RBM47: variants seen among roughly 807,000 people sequenced by gnomAD.
The protein encoded by RBM47 is RNA binding motif protein 47.
RBM47 carries 21 observed loss-of-function variants against 47.1 expected under a neutral mutation model. The observed-to-expected ratio is 0.45, with a 90% CI of 0.32 to 0.64. The LOEUF is 0.64. Among genes scored for constraint, RBM47 ranks in the 30% least tolerant of loss-of-function variants. The probability of loss-of-function intolerance (pLI) is 0.05; values close to 1 mark genes in which losing one functional copy is unlikely to be tolerated. For missense variants in RBM47, 708 were observed against 870.9 expected, an observed-to-expected ratio of 0.81 and a Z score of 2.35; for synonymous variants, 375 against 361.7, an observed-to-expected ratio of 1.04 and a Z score of -0.42.
intron 2 of RBM47, among the ~76,000 whole-genome samples, chr4:40,530,827 C>G (rs867830566): frequency 6.6e-6 from 1 of 152,112 alleles, no homozygotes; most frequent in Admixed American, 6.6e-5. Context: ...AGGCGAGGCA[C>G]GGTGGCTCAC....
intron 3 of RBM47, among the ~76,000 whole-genome samples, chr4:40,455,900 C>T (rs981223970): frequency 6.6e-6 from 1 of 152,176 alleles, no homozygotes; most frequent in Non-Finnish European, 1.5e-5. Flanking sequence ...AGTTTAGAGT[C>T]GTTAATTATC....
chr4:40,565,214 C>T lies in RBM47; in HGVS notation c.-239-20708G>A, dbSNP rs115990925. ...CATTAATGAGCTGTGAAGTTATTTTCTCATTCATTCTGAACTCCCCCAGTG... is the reference window on the plus strand; with the variant it reads ...CATTAATGAGCTGTGAAGTTATTTTTTCATTCATTCTGAACTCCCCCAGTG... On this transcript the variant is annotated intron_variant, in intron 1 of 6. Coordinates refer to ENST00000295971, the MANE Select transcript of RBM47 (RefSeq NM_001098634.2). 8.6e-3 allele frequency among the ~76,000 whole-genome samples: 1,311 copies of T among 152,288 alleles called. 12 individuals are homozygous for T. The highest frequency in any genetic ancestry group is 0.03 in the African/African-American group (1,242 of 41,562).
intron 2 of RBM47, among the ~76,000 whole-genome samples, chr4:40,506,000 T>C (rs1333425960): frequency 6.6e-6 from 1 of 152,172 alleles, no homozygotes; most frequent in Non-Finnish European, 1.5e-5. Flanking sequence ...GGGGGTTGGG[T>C]GGGCAGTGAG....
intron 2 of RBM47, among the ~76,000 whole-genome samples, chr4:40,528,720 G>A (rs371138970): frequency 5.9e-5 from 9 of 151,412 alleles, no homozygotes; most frequent in Non-Finnish European, 8.8e-5. Context: ...AGCCGAGATC[G>A]TGCCACTGCA....
In RBM47 at chr4:40,611,987, CAGA is replaced by C. The variant is rs528563281; in HGVS notation, c.-240+17406_-240+17408del. ...ACGCAAGACTCAGGCCTCTTCAGAA[CAGA>C]AGGATTAAGATGGAAATGGAATAGA... On this transcript the variant is annotated intron_variant, in intron 1 of 6. Transcript: ENST00000295971. Among the ~76,000 whole-genome samples the C allele has an allele frequency of 9.9e-5, 15 of 151,996 alleles. No individual in the cohort carries two copies. In the South Asian group the frequency reaches 2.7e-3, roughly 27 times the overall value.
chr4:40,439,036 G>C, intron 3 of RBM47, 112 bp from the exon 4 acceptor site: 1 of 919,852 alleles, frequency 1.1e-6, no homozygotes, highest in Non-Finnish European at 1.6e-6. Context: ...AGGGGAGGTG[G>C]TTTAAATGAG....
intron 2 of RBM47, chr4:40,542,457 C>T (rs1256826027): frequency 6.6e-6 from 1 of 152,210 alleles, no homozygotes; most frequent in Admixed American, 6.6e-5. Context: ...TCCAAGCAAC[C>T]TTCCCAATAG....
intron 1 of RBM47, among the ~76,000 whole-genome samples, chr4:40,608,771 C>A (rs1735986125): frequency 6.6e-6 from 1 of 152,110 alleles, no homozygotes; most frequent in Non-Finnish European, 1.5e-5. Flanking sequence ...AAAATTCTGG[C>A]ATGAAAGGCA....
At chr4:40,472,293 T>G (rs576014284) in intron 2 of RBM47, among the ~76,000 whole-genome samples, 12 of 152,278 alleles carry the variant, frequency 7.9e-5, no homozygotes, top group African/African-American at 2.6e-4. Context: ...AATAGTTTTT[T>G]GTCGGGTGCG....
chr4:40,432,202 TTACACACACACACAC>T (rs1560349266), intron 6 of RBM47, among the ~76,000 whole-genome samples: 5 of 77,702 alleles, frequency 6.4e-5, no homozygotes, highest in Admixed American at 6.4e-4. Flanking sequence ...CTCTCTCTCT[TTACACACACACACAC>T]ACACACACAC....
At chr4:40,616,314 A>C (rs1490831578) in intron 1 of RBM47, among the ~76,000 whole-genome samples, 1 of 149,966 alleles carries the variant, frequency 6.7e-6, no homozygotes, top group Non-Finnish European at 1.5e-5. Context: ...AGATCGCGCC[A>C]CTGCACTCCA....
Position 40,628,571 on chromosome 4 carries a change from C to A in RBM47, c.-240+825G>T, listed in dbSNP as rs1737946607. On this transcript the variant is annotated intron_variant, in intron 1 of 6. Transcript: ENST00000295971. This position sits in a 1 kb window ranked among gnomAD's most constrained non-coding sequence, Gnocchi z 4.0. ...TTTGCTTTCCCTCCCCTGAGAAATT[C>A]GTATGACCTTGCCTTAAAACTTTTA... is the stretch of plus-strand genomic sequence containing the variant. 6.6e-6 allele frequency among the ~76,000 whole-genome samples: 1 copy of A among 152,198 alleles called. No individual in the cohort carries two copies. The highest frequency in any genetic ancestry group is 1.9e-4 in the East Asian group (1 of 5,184).
intron 2 of RBM47, among the ~76,000 whole-genome samples, chr4:40,484,579 A>G (rs1720834860): frequency 6.6e-6 from 1 of 152,192 alleles, no homozygotes; most frequent in African/African-American, 2.4e-5. Flanking sequence ...CATCCATAAC[A>G]TTGCAGGCTT....
intron 2 of RBM47, among the ~76,000 whole-genome samples, chr4:40,540,431 G>A (rs1220037104): frequency 6.6e-6 from 1 of 152,024 alleles, no homozygotes; most frequent in Non-Finnish European, 1.5e-5. Context: ...CCTGAGGTCA[G>A]GAGTTCAAGA....
At chr4:40,579,051 G>C (rs538187608) in intron 1 of RBM47, among the ~76,000 whole-genome samples, 1 of 151,628 alleles carries the variant, frequency 6.6e-6, no homozygotes, top group East Asian at 1.9e-4. Flanking sequence ...CCTGGGAGGC[G>C]GAGGCTACAG....
chr4:40,467,616 CA>C (rs1718252141), intron 2 of RBM47, among the ~76,000 whole-genome samples: 2 of 151,904 alleles, frequency 1.3e-5, no homozygotes, highest in South Asian at 4.2e-4. Flanking sequence ...TGAGGATGTT[CA>C]TCGCATGGAG....
In RBM47 at chr4:40,432,690, G is replaced by T. The variant is rs774944998; in HGVS notation, c.1503C>A (p.Ala501=). The T allele has an allele frequency of 6.3e-7, 1 of 1,598,816 alleles. No homozygotes were observed. Among genetic ancestry groups the T allele is most frequent in the Non-Finnish European group, 8.5e-7 (1 of 1,172,654 alleles). Residue 501 remains alanine (A), a synonymous_variant, in exon 6 of 7, where the codon GCC becomes GCA. Coordinates refer to ENST00000295971, the MANE Select transcript of RBM47 (RefSeq NM_001098634.2). Reference sequence around the variant, plus strand: ...GCGTCGACACAGTGGGAATGACAGCGGCTGCGGCGGCTGCGGCCGCGGCTG... The same window carrying T: ...GCGTCGACACAGTGGGAATGACAGCTGCTGCGGCGGCTGCGGCCGCGGCTG... The part of the protein sequence containing the change: ...AAAAAAAAAA[A]AVIPTVSTPP...
intron 2 of RBM47, among the ~76,000 whole-genome samples, chr4:40,488,380 A>G (rs551014068): frequency 5.9e-5 from 9 of 152,026 alleles, no homozygotes; most frequent in East Asian, 5.8e-4. Context: ...GAGACGCTAT[A>G]AAATGAAAAT....
chr4:40,591,647 T>C (rs1734147373), intron 1 of RBM47, among the ~76,000 whole-genome samples: 1 of 152,018 alleles, frequency 6.6e-6, no homozygotes, highest in Non-Finnish European at 1.5e-5. Context: ...TGAGCTGAGA[T>C]CACACCATTG....
Sources: gnomAD v4.1 joint callset for allele counts (sites outside exome capture counted in the v4.1 genomes callset) on GRCh38, gnomAD v4.1.1 for gene constraint, Gnocchi (gnomAD v3.1) non-coding constraint, MANE v1.5 for transcripts, NCBI Gene and HGNC (gene_info 2026-07-23, HGNC 2026-07-21) for gene names.